The following PCDHGA4 variants were observed in gnomAD, a reference collection of about 807,000 sequenced individuals.
PCDHGA4 encodes the protein protocadherin gamma-A4.
A neutral mutation model predicts 54.6 loss-of-function variants in PCDHGA4; 38 were observed. That is an observed-to-expected ratio of 0.70 (90% CI 0.54 to 0.91). PCDHGA4 has a LOEUF of 0.91. PCDHGA4 is among the 40% of genes least tolerant of loss of function. PCDHGA4 has a pLI of 0.00. For missense variants in PCDHGA4, 1,298 were observed against 1,220.9 expected (o/e 1.06, Z -0.94); for synonymous variants, 511 against 512.9 (o/e 1.00, Z 0.05).
In PCDHGA4 at chr5:141,489,515, G is replaced by A. The variant is rs983415025; in HGVS notation, c.2515-5292G>A. On this transcript the variant is annotated intron_variant, in intron 1 of 3. Coordinates refer to ENST00000571252, the MANE Select transcript of PCDHGA4 (RefSeq NM_018917.4). The surrounding 1 kb of genome is among the most constrained non-coding windows in gnomAD (Gnocchi z 4.5). ...CTGGCAGTGAATCAAAAGATTGACC[G>A]AGAAAGCCTATGTGGAGCCAGCACC... 2 of 1,614,104 alleles carry A rather than the reference G, an allele frequency of 1.2e-6. No homozygotes were observed. Among genetic ancestry groups the A allele is most frequent in the Non-Finnish European group, 8.5e-7 (1 of 1,180,034 alleles).
intron 1 of PCDHGA4, chr5:141,366,742 G>C: frequency 6.2e-7 from 1 of 1,611,864 alleles, no homozygotes; most frequent in Non-Finnish European, 8.5e-7. Flanking sequence ...AAGAAGAACG[G>C]CGAGTTCAGG....
chr5:141,372,334 G>C (rs757971401), intron 1 of PCDHGA4: 1 of 1,613,648 alleles, frequency 6.2e-7, no homozygotes, highest in African/African-American at 1.3e-5. Context: ...GTCACTGTGC[G>C]TGATGGAGGA....
intron 1 of PCDHGA4, chr5:141,364,348 G>A: frequency 6.5e-7 from 1 of 1,544,604 alleles, no homozygotes; most frequent in Non-Finnish European, 8.7e-7. Context: ...GTCCACCTAG[G>A]GGCTGGGGCT....
At chr5:141,413,020 C>G in intron 1 of PCDHGA4, 7 of 693,768 alleles carry the variant, frequency 1.0e-5, no homozygotes, top group Non-Finnish European at 1.4e-5. Context: ...CTACACAAGC[C>G]CCACAAACCG....
At chr5:141,402,019 C>A (rs1354499456) in intron 1 of PCDHGA4, among the ~76,000 whole-genome samples, 1 of 152,084 alleles carries the variant, frequency 6.6e-6, no homozygotes, top group Non-Finnish European at 1.5e-5. Flanking sequence ...GCATTTGAAT[C>A]ATTGAAACAC....
chr5:141,476,714 C>T lies in PCDHGA4; in HGVS notation c.2515-18093C>T, dbSNP rs146188020. On this transcript the variant is annotated intron_variant, in intron 1 of 3. Transcript: ENST00000571252. The surrounding 1 kb of genome is among the most constrained non-coding windows in gnomAD (Gnocchi z 7.6). ...CAAGTACGCGGAGCTGGTGTTGGAG[C>T]GCGCCCTGGACCGAGAACGGGAGCC... The T allele has an allele frequency of 6.2e-7, 1 of 1,614,154 alleles. No individual in the cohort carries two copies. The highest frequency in any genetic ancestry group is 8.5e-7 in the Non-Finnish European group (1 of 1,180,032).
chr5:141,506,994 G>A (rs1053891468), intron 3 of PCDHGA4: 1 of 152,126 alleles, frequency 6.6e-6, no homozygotes, highest in Non-Finnish European at 1.5e-5. Context: ...TCTCACACTC[G>A]ACAGATGAGA....
intron 1 of PCDHGA4, among the ~76,000 whole-genome samples, chr5:141,407,316 GTATTTATAAA>G (rs2094915018): frequency 6.6e-6 from 1 of 152,094 alleles, no homozygotes; most frequent in Non-Finnish European, 1.5e-5. Flanking sequence ...TTCATACTTA[GTATTTATAAA>G]TATTGAAATG....
chr5:141,384,221 A>G, intron 1 of PCDHGA4: 1 of 1,613,936 alleles, frequency 6.2e-7, no homozygotes, highest in Non-Finnish European at 8.5e-7. Flanking sequence ...ATATTCATGC[A>G]GGTGGCAGAC....
intron 1 of PCDHGA4, among the ~76,000 whole-genome samples, chr5:141,447,896 G>C (rs2098554754): frequency 6.6e-6 from 1 of 152,022 alleles, no homozygotes; most frequent in African/African-American, 2.4e-5. Flanking sequence ...GACCAGCCTG[G>C]CCAACATGGT....
chr5:141,389,481 C>T (rs372276550), intron 1 of PCDHGA4: 5 of 1,612,962 alleles, frequency 3.1e-6, no homozygotes, highest in African/African-American at 1.3e-5. Context: ...ACTGCAGGCC[C>T]GCGACCAGGG....
intron 1 of PCDHGA4, chr5:141,415,772 T>C (rs540545854): frequency 4.5e-6 from 6 of 1,336,628 alleles, no homozygotes; most frequent in African/African-American, 1.8e-5. Context: ...TTTTTTTTTT[T>C]ACTTTCTGGT....
rs1272166319 is a variant in PCDHGA4, at chr5:141,370,826, A to C, written c.2514+13205A>C. Reference sequence around the variant, plus strand: ...ATATCACTGAGCTGGAAATCAGCGAACTGGCTCTCACTGGAGCCACATTTG... The same window carrying C: ...ATATCACTGAGCTGGAAATCAGCGACCTGGCTCTCACTGGAGCCACATTTG... On this transcript the variant is annotated intron_variant, in intron 1 of 3. Coordinates refer to ENST00000571252, the MANE Select transcript of PCDHGA4 (RefSeq NM_018917.4). The C allele has an allele frequency of 1.1e-5, 18 of 1,613,884 alleles. No homozygotes were observed. The Admixed American group carries it at 3.0e-4, about 27-fold the overall frequency.
At position 141,393,264 on chromosome 5, in the gene PCDHGA4, C is replaced by G. The variant is rs537186931; in HGVS notation, c.2514+35643C>G. The G allele has an allele frequency of 1.1e-4, 170 of 1,613,916 alleles. 3 individuals carry two copies. The South Asian group carries it at 1.8e-3, about 17-fold the overall frequency. On this transcript the variant is annotated intron_variant, in intron 1 of 3. Coordinates refer to ENST00000571252, the MANE Select transcript of PCDHGA4 (RefSeq NM_018917.4). ...TAACGAAATCGCGGTTCCTGGAGCA[C>G]GTTATCCACTCCCAGAAGCTGTTGA...
chr5:141,355,264 G>T lies in PCDHGA4; in HGVS notation c.157G>T (p.Val53Phe), dbSNP rs201894028. ...RLLQICLLLG[V>F]LVEIRAEQIL... ...GCTCCAGATCTGCCTTCTCCTGGGG[G>T]TTCTGGTGGAAATCAGGGCCGAACA... Residue 53 changes from valine (V) to phenylalanine (F), a missense_variant, in exon 1 of 4, where the codon GTT (valine) becomes TTT (phenylalanine). Physicochemically the swap from Val to Phe is conservative, Grantham distance 50. Transcript: ENST00000571252. 3.3e-4 allele frequency: 530 copies of T among 1,613,600 alleles called. 1 individual carries two copies. In the African/African-American group the frequency reaches 5.9e-3, roughly 18 times the overall value.
rs192201180 is a variant in PCDHGA4 at position 141,364,242 on chromosome 5, G to A, written c.2514+6621G>A. On this transcript the variant is annotated intron_variant, in intron 1 of 3. Transcript: ENST00000571252. ...AAGCCAACGCTCCACGCCCATTTTC[G>A]TCAGGGAATATGTACCCATCGGCTT... 8 of 1,451,338 alleles carry A rather than the reference G, an allele frequency of 5.5e-6. No homozygotes were observed. The East Asian group carries it at 7.2e-5, about 13-fold the overall frequency. 89.9% of individuals were successfully genotyped at this position (1,451,338 alleles called of 1,614,324 possible).
At chr5:141,405,357 A>G in intron 1 of PCDHGA4, 1 of 1,613,846 alleles carries the variant, frequency 6.2e-7, no homozygotes, top group Non-Finnish European at 8.5e-7. Flanking sequence ...TTTCCTATAG[A>G]AGACACCCCT....
chr5:141,394,208 C>T (rs972602841), intron 1 of PCDHGA4: 2 of 1,613,814 alleles, frequency 1.2e-6, no homozygotes, highest in African/African-American at 1.3e-5. Context: ...TAGAGAACAA[C>T]CTGAGAGGAG....
chr5:141,427,652 G>T, intron 1 of PCDHGA4: 1 of 721,166 alleles, frequency 1.4e-6, no homozygotes, highest in Non-Finnish European at 2.5e-6. Flanking sequence ...TCTCCTACGT[G>T]GTCCACGTGG....
Sources: gnomAD v4.1 joint callset for allele counts (sites outside exome capture counted in the v4.1 genomes callset) on GRCh38, gnomAD v4.1.1 for gene constraint, Gnocchi (gnomAD v3.1) non-coding constraint, MANE v1.5 for transcripts, NCBI Gene and HGNC (gene_info 2026-07-23, HGNC 2026-07-21) for gene names.